The following CDKAL1 variants were observed in gnomAD, a reference collection of about 807,000 sequenced individuals.
CDKAL1 encodes the protein CDKAL1 threonylcarbamoyladenosine tRNA methylthiotransferase.
Under a neutral mutation model 68.2 loss-of-function variants are expected in CDKAL1, and 32 were observed. The ratio of observed to expected loss-of-function variants is 0.47; its 90% confidence interval spans 0.35 to 0.63. CDKAL1 has a LOEUF of 0.63. Ranked by LOEUF, CDKAL1 falls within the 30% of genes least tolerant of loss-of-function variation. The probability of loss-of-function intolerance (pLI) is 0.00; values close to 1 mark genes in which losing one functional copy is unlikely to be tolerated. For missense variants in CDKAL1, 606 were observed against 696.7 expected (o/e 0.87, Z 1.47); for synonymous variants, 234 against 244.3 (o/e 0.96, Z 0.39).
intron 10 of CDKAL1, among the ~76,000 whole-genome samples, chr6:20,957,008 T>TAAAA (rs70990087): frequency 0.14 from 15,437 of 113,322 alleles, 1,307 homozygotes; most frequent in Non-Finnish European, 0.19. Flanking sequence ...TGATTCTCTG[T>TAAAA]AAAAAAAAAA....
At chr6:20,648,730 A>C (rs1768606695) in intron 4 of CDKAL1, among the ~76,000 whole-genome samples, 1 of 152,254 alleles carries the variant, frequency 6.6e-6, no homozygotes, top group Admixed American at 6.5e-5. Context: ...TTAGGTATTA[A>C]AAATTCATAT....
intron 4 of CDKAL1, among the ~76,000 whole-genome samples, chr6:20,636,531 C>G (rs565090907): frequency 1.3e-5 from 2 of 152,170 alleles, no homozygotes; most frequent in Admixed American, 1.3e-4. Flanking sequence ...AGCTCAGATG[C>G]GTGTGTGAAC....
intron 4 of CDKAL1, among the ~76,000 whole-genome samples, chr6:20,566,696 G>A (rs541860170): frequency 3.9e-5 from 6 of 152,094 alleles, no homozygotes; most frequent in African/African-American, 1.4e-4. Context: ...AGACATCACT[G>A]GCAGTTTTTA....
chr6:20,900,774 C>T (rs577360094), intron 9 of CDKAL1, among the ~76,000 whole-genome samples: 1 of 152,114 alleles, frequency 6.6e-6, no homozygotes, highest in East Asian at 1.9e-4. Flanking sequence ...CTGTAGTATC[C>T]CTGCCTAAGT....
At chr6:20,568,765 A>C (rs149944755) in intron 4 of CDKAL1, among the ~76,000 whole-genome samples, 3,544 of 148,372 alleles carry the variant, frequency 0.024, 156 homozygotes, top group African/African-American at 0.076. Flanking sequence ...AAAACAAAAA[A>C]ACAAAGAAAT....
At chr6:20,787,139 C>G (rs1775710150) in intron 8 of CDKAL1, among the ~76,000 whole-genome samples, 1 of 152,102 alleles carries the variant, frequency 6.6e-6, no homozygotes, top group Non-Finnish European at 1.5e-5. Flanking sequence ...GATACTTTAT[C>G]TTTTAAAATT....
Position 20,580,409 on chromosome 6 carries a change from C to T in CDKAL1, c.286+31704C>T, listed in dbSNP as rs142089732. On this transcript the variant is annotated intron_variant, in intron 4 of 15. Coordinates refer to ENST00000274695, the MANE Select transcript of CDKAL1 (RefSeq NM_017774.3). ...GTGAGTGAGTGAACCTAGCAGAGGT[C>T]CTCCCGTGTCTGCTTGTGACATTCT... is the stretch of plus-strand genomic sequence containing the variant. Among the ~76,000 whole-genome samples, 1,209 of 152,132 alleles carry T rather than the reference C, an allele frequency of 7.9e-3. 9 individuals are homozygous for T. Among genetic ancestry groups the T allele is most frequent in the Non-Finnish European group, 0.011 (768 of 68,014 alleles).
intron 5 of CDKAL1, among the ~76,000 whole-genome samples, chr6:20,720,587 A>G (rs9350272): frequency 0.31 from 46,359 of 151,122 alleles, 9,087 homozygotes; most frequent in African/African-American, 0.55. Context: ...GCTCACGGCA[A>G]CCTTTACCTC....
At chr6:20,890,608 T>A (rs914874489) in intron 9 of CDKAL1, among the ~76,000 whole-genome samples, 2 of 152,158 alleles carry the variant, frequency 1.3e-5, no homozygotes, top group Non-Finnish European at 2.9e-5. Context: ...TTTTCTCTCT[T>A]GAGCTCTCTA....
intron 9 of CDKAL1, among the ~76,000 whole-genome samples, chr6:20,864,266 C>A (rs1244930888): frequency 9.8e-6 from 1 of 102,232 alleles, no homozygotes; most frequent in Non-Finnish European, 2.1e-5. Flanking sequence ...TAAAATGCAA[C>A]TGACATTTTG....
At chr6:20,896,883 A>G (rs889361787) in intron 9 of CDKAL1, among the ~76,000 whole-genome samples, 7 of 152,200 alleles carry the variant, frequency 4.6e-5, no homozygotes, top group Non-Finnish European at 1.0e-4. Flanking sequence ...GTTATGTACA[A>G]TTCAATCAGA....
chr6:21,108,778 G>A (rs1192532242), intron 13 of CDKAL1, among the ~76,000 whole-genome samples: 1 of 152,118 alleles, frequency 6.6e-6, no homozygotes, highest in Non-Finnish European at 1.5e-5. Flanking sequence ...TGTACTGGAG[G>A]AACTTGGGTT....
At chr6:20,905,892 C>CA (rs34068097) in intron 9 of CDKAL1, among the ~76,000 whole-genome samples, 145,980 of 152,288 alleles carry the variant, frequency 0.96, 69,978 homozygotes, top group East Asian at 1. Context: ...AAGACATTCT[C>CA]GGTAAACAAA....
intron 13 of CDKAL1, among the ~76,000 whole-genome samples, chr6:21,179,287 C>T (rs1387024008): frequency 1.3e-5 from 2 of 152,154 alleles, no homozygotes; most frequent in Non-Finnish European, 2.9e-5. Flanking sequence ...CAAATTACCC[C>T]AAATCAACAA....
intron 13 of CDKAL1, among the ~76,000 whole-genome samples, chr6:21,183,257 C>T (rs1451814173): frequency 6.6e-6 from 1 of 151,794 alleles, no homozygotes; most frequent in Non-Finnish European, 1.5e-5. Context: ...TTTAGTCTTA[C>T]ATTTCTGCAA....
chr6:20,949,921 C>G (rs956322051), intron 9 of CDKAL1, among the ~76,000 whole-genome samples: 1 of 151,938 alleles, frequency 6.6e-6, no homozygotes, highest in Non-Finnish European at 1.5e-5. Flanking sequence ...TCCCAGGTAG[C>G]TGGGACTACA....
intron 5 of CDKAL1, among the ~76,000 whole-genome samples, chr6:20,727,651 A>G (rs751031945): frequency 1.1e-4 from 17 of 152,212 alleles, no homozygotes; most frequent in Non-Finnish European, 2.5e-4. Flanking sequence ...ACCTTTACAA[A>G]TGGAACTTTA....
At chr6:21,081,781 T>A (rs907665879) in intron 12 of CDKAL1, among the ~76,000 whole-genome samples, 6 of 151,966 alleles carry the variant, frequency 3.9e-5, no homozygotes, top group Non-Finnish European at 2.9e-5. Context: ...TTTTCCCATG[T>A]TGGACAGGCT....
At chr6:20,629,022 C>G (rs1197394274) in intron 4 of CDKAL1, among the ~76,000 whole-genome samples, 1 of 152,182 alleles carries the variant, frequency 6.6e-6, no homozygotes, top group Non-Finnish European at 1.5e-5. Flanking sequence ...ATTACCACCA[C>G]CTAATCCTCA....
Sources: allele counts gnomAD v4.1 joint callset (sites outside exome capture counted in the v4.1 genomes callset), GRCh38; gene constraint gnomAD v4.1.1; transcripts MANE v1.5; gene names NCBI Gene and HGNC (gene_info 2026-07-23, HGNC 2026-07-21).